Variants in ATP10B observed in about 807,000 individuals in gnomAD.
ATP10B encodes phospholipid-transporting ATPase VB.
In ATP10B, 122 loss-of-function variants were observed where a neutral mutation model predicts 141.2. The observed-to-expected ratio is 0.86, with a 90% CI of 0.75 to 1.00. The LOEUF (loss-of-function observed/expected upper bound fraction) is 1.00. Among genes scored for constraint, ATP10B ranks in the 50% least tolerant of loss-of-function variants. ATP10B has a pLI of 0.00. For missense variants in ATP10B, 1,876 were observed against 1,825.3 expected (o/e 1.03, Z -0.51); for synonymous variants, 685 against 692.0 (o/e 0.99, Z 0.16).
At chr5:160,832,737 A>C (rs990251654) in intron 1 of ATP10B, among the ~76,000 whole-genome samples, 5 of 152,128 alleles carry the variant, frequency 3.3e-5, no homozygotes, top group African/African-American at 1.2e-4. Flanking sequence ...AAATACCTAA[A>C]TATGATAAAC....
At chr5:160,797,838 C>A (rs1168180914) in intron 1 of ATP10B, among the ~76,000 whole-genome samples, 2 of 151,710 alleles carry the variant, frequency 1.3e-5, no homozygotes, top group Non-Finnish European at 2.9e-5. Flanking sequence ...TGCCTGTCAT[C>A]TGAGCTACTT....
intron 1 of ATP10B, among the ~76,000 whole-genome samples, chr5:160,839,520 C>A (rs1261569309): frequency 5.3e-5 from 8 of 151,452 alleles, no homozygotes; most frequent in African/African-American, 1.9e-4. Flanking sequence ...AACAAAAGCA[C>A]AAAAACTTCA....
chr5:160,643,469 G>A (rs979459680), intron 9 of ATP10B, among the ~76,000 whole-genome samples: 2 of 152,190 alleles, frequency 1.3e-5, no homozygotes, highest in African/African-American at 4.8e-5. Context: ...GAGCACTGGT[G>A]TTAAGTACTA....
the ATP10B span, among the ~76,000 whole-genome samples, chr5:160,874,095 C>A: frequency 2.6e-5 from 4 of 152,016 alleles, no homozygotes; most frequent in Non-Finnish European, 4.4e-5. Flanking sequence ...CACAGACAAA[C>A]AAAAAGACAG....
At chr5:160,762,651 G>GAA (rs151199059) in intron 2 of ATP10B, among the ~76,000 whole-genome samples, 118 of 149,924 alleles carry the variant, frequency 7.9e-4, no homozygotes, top group East Asian at 1.8e-3. Context: ...ATGACATAAT[G>GAA]AAAAAAAAAC....
intron 17 of ATP10B, chr5:160,613,794 A>T (rs1386227673): frequency 2.0e-5 from 3 of 152,230 alleles, no homozygotes; most frequent in Non-Finnish European, 2.9e-5. Flanking sequence ...ATGAATAGAT[A>T]TCCAAATATT....
chr5:160,921,774 C>T, the ATP10B span, among the ~76,000 whole-genome samples: 1 of 152,244 alleles, frequency 6.6e-6, no homozygotes, highest in African/African-American at 2.4e-5. Context: ...AAACACAGGA[C>T]ATTCCCTTGG....
intron 25 of ATP10B, among the ~76,000 whole-genome samples, chr5:160,568,621 C>G (rs996645216): frequency 6.6e-6 from 1 of 152,104 alleles, no homozygotes; most frequent in Non-Finnish European, 1.5e-5. Context: ...GTTGGGAGAA[C>G]CTAGCTCTGA....
chr5:160,785,704 G>A lies in ATP10B; in HGVS notation c.-476C>T. On this transcript the variant is annotated 5_prime_UTR_variant, in exon 2 of 26. Coordinates refer to ENST00000327245, the MANE Select transcript of ATP10B (RefSeq NM_025153.3). ...TGGAGAGGAGTTCATTATCTCCACT[G>A]AGTGAGATGAATAATAGGAAAAACT... The A allele has an allele frequency of 7.8e-7, 1 of 1,283,350 alleles. No individual in the cohort carries two copies. Among genetic ancestry groups the A allele is most frequent in the South Asian group, 1.3e-5 (1 of 79,920 alleles). 79.5% of individuals were successfully genotyped at this position (1,283,350 alleles called of 1,614,324 possible). A position where few individuals can be genotyped will look rare whatever the true frequency, so the allele number is the denominator to read the frequency against.
intron 1 of ATP10B, among the ~76,000 whole-genome samples, chr5:160,796,717 C>T (rs958010557): frequency 2.6e-5 from 4 of 152,254 alleles, no homozygotes; most frequent in African/African-American, 9.6e-5. Flanking sequence ...TTCCCTTCCC[C>T]TCTGACGTCT....
chr5:160,803,504 C>T (rs1388967591), intron 1 of ATP10B, among the ~76,000 whole-genome samples: 3 of 151,962 alleles, frequency 2.0e-5, no homozygotes, highest in Non-Finnish European at 2.9e-5. Flanking sequence ...GGTGAAACCC[C>T]GTCCCTACTA....
upstream of ATP10B, among the ~76,000 whole-genome samples, chr5:160,855,872 G>T (rs1181962734): frequency 2.7e-5 from 4 of 150,822 alleles, no homozygotes; most frequent in Non-Finnish European, 5.9e-5. Context: ...AATTGTTCTT[G>T]TAACTTTGTA....
At chr5:160,788,359 C>T (rs1221570661) in intron 1 of ATP10B, among the ~76,000 whole-genome samples, 1 of 152,140 alleles carries the variant, frequency 6.6e-6, no homozygotes, top group Non-Finnish European at 1.5e-5. Context: ...AAGGCAACAG[C>T]GGATTTTGAA....
chr5:160,913,683 T>C, the ATP10B span, among the ~76,000 whole-genome samples: 2 of 152,190 alleles, frequency 1.3e-5, no homozygotes, highest in Non-Finnish European at 2.9e-5. Context: ...AGAACCTCAG[T>C]GTTCTGTCTC....
chr5:160,666,800 C>T (rs1581311981), intron 7 of ATP10B, among the ~76,000 whole-genome samples: 1 of 152,196 alleles, frequency 6.6e-6, no homozygotes, highest in East Asian at 1.9e-4. Context: ...TTATCCCTGC[C>T]ACCCTCTATC....
the ATP10B span, among the ~76,000 whole-genome samples, chr5:160,926,793 A>G: frequency 2.0e-5 from 3 of 152,238 alleles, no homozygotes; most frequent in Admixed American, 2.0e-4. Context: ...GCCTGGAAAA[A>G]GAAATCCTGC....
intron 2 of ATP10B, among the ~76,000 whole-genome samples, chr5:160,727,807 G>A (rs1454271678): frequency 4.6e-5 from 7 of 152,142 alleles, no homozygotes; most frequent in Non-Finnish European, 1.0e-4. Flanking sequence ...GCTGTTACTA[G>A]CATTATGCAT....
At chr5:160,917,351 A>G in the ATP10B span, among the ~76,000 whole-genome samples, 1 of 150,206 alleles carries the variant, frequency 6.7e-6, no homozygotes, top group African/African-American at 2.5e-5. Flanking sequence ...CTGTTATCAG[A>G]CAAGGACACA....
At chr5:160,889,402 G>C in the ATP10B span, among the ~76,000 whole-genome samples, 1 of 152,176 alleles carries the variant, frequency 6.6e-6, no homozygotes, top group Non-Finnish European at 1.5e-5. Flanking sequence ...ACCATGTGTA[G>C]TAATTAAAAG....
Sources: allele counts gnomAD v4.1 joint callset (sites outside exome capture counted in the v4.1 genomes callset), GRCh38; gene constraint gnomAD v4.1.1; transcripts MANE v1.5; gene names NCBI Gene and HGNC (gene_info 2026-07-23, HGNC 2026-07-21).